Variants in CTNNA3 observed in about 807,000 individuals in gnomAD.
The protein encoded by CTNNA3 is catenin alpha-3.
A neutral mutation model predicts 95.7 loss-of-function variants in CTNNA3; 76 were observed. The observed-to-expected ratio is 0.79, with a 90% CI of 0.66 to 0.96. The LOEUF (loss-of-function observed/expected upper bound fraction) is 0.96, where lower values mean the gene tolerates loss of function less well. Among genes scored for constraint, CTNNA3 ranks in the 40% least tolerant of loss-of-function variants. CTNNA3 has a pLI of 0.00. For missense variants in CTNNA3, 1,191 were observed against 1,089.8 expected, an observed-to-expected ratio of 1.09 and a Z score of -1.31; for synonymous variants, 431 against 374.4, an observed-to-expected ratio of 1.15 and a Z score of -1.74.
At chr10:67,410,434 C>T (rs1025241765) in intron 5 of CTNNA3, among the ~76,000 whole-genome samples, 6 of 152,192 alleles carry the variant, frequency 3.9e-5, no homozygotes, top group Middle Eastern at 3.4e-3. Flanking sequence ...GTGGAATGAT[C>T]TGTGGAGCAA....
At chr10:67,388,321 T>C (rs1251507331) in intron 5 of CTNNA3, among the ~76,000 whole-genome samples, 1 of 138,574 alleles carries the variant, frequency 7.2e-6, no homozygotes, top group East Asian at 2.0e-4. Context: ...CAATGGAAGA[T>C]GAAATGAATG....
At chr10:66,906,806 T>C (rs768094032) in intron 7 of CTNNA3, among the ~76,000 whole-genome samples, 1 of 152,152 alleles carries the variant, frequency 6.6e-6, no homozygotes, top group East Asian at 1.9e-4. Flanking sequence ...ATGAATTATA[T>C]GATGTTTGAG....
Position 65,917,351 on chromosome 10 carries a change from TTTTAA to T in CTNNA3, c.*2974_*2978del, listed in dbSNP as rs2077019773. The T allele has an allele frequency of 6.6e-6, 1 of 152,200 alleles. No homozygotes were observed. Among genetic ancestry groups the T allele is most frequent in the African/African-American group, 2.4e-5 (1 of 41,454 alleles). The allele number at this position is 152,200 out of a possible 1,614,324, so 9.4% of individuals were successfully genotyped here. A position where few individuals can be genotyped will look rare whatever the true frequency, so the allele number is the denominator to read the frequency against. On this transcript the variant is annotated 3_prime_UTR_variant, in exon 18 of 18. Transcript: ENST00000433211. ...ACTTAGAAACATTTTACTTCAATAA[TTTTAA>T]TTTGTCATAAATTAAAGGGAATGAT...
chr10:66,860,076 T>G, intron 7 of CTNNA3, among the ~76,000 whole-genome samples: 7 of 138,372 alleles, frequency 5.1e-5, no homozygotes, highest in South Asian at 2.4e-4. Flanking sequence ...AAATGATGAG[T>G]TAATGGGTGC....
At chr10:67,181,350 T>A (rs1172821152) in intron 6 of CTNNA3, among the ~76,000 whole-genome samples, 1 of 152,184 alleles carries the variant, frequency 6.6e-6, no homozygotes, top group Non-Finnish European at 1.5e-5. Flanking sequence ...CTACAGCCTC[T>A]TAAGAAAAGA....
chr10:66,633,310 T>C (rs1017333422), intron 9 of CTNNA3, among the ~76,000 whole-genome samples: 3 of 152,202 alleles, frequency 2.0e-5, no homozygotes, highest in Non-Finnish European at 2.9e-5. Flanking sequence ...TAAAATGTTA[T>C]GCTGCTGTAA....
chr10:67,231,211 C>G (rs1286538117), intron 5 of CTNNA3, among the ~76,000 whole-genome samples: 5 of 152,248 alleles, frequency 3.3e-5, no homozygotes, highest in Non-Finnish European at 7.3e-5. Context: ...TAGGCTCCAC[C>G]TCTGGGGGCA....
At chr10:67,056,774 T>G (rs1855456617) in intron 7 of CTNNA3, among the ~76,000 whole-genome samples, 1 of 152,202 alleles carries the variant, frequency 6.6e-6, no homozygotes, top group Admixed American at 6.5e-5. Flanking sequence ...ACAACTATGA[T>G]ATGAATAAAT....
At chr10:66,373,109 T>C (rs2092766219) in intron 12 of CTNNA3, among the ~76,000 whole-genome samples, 1 of 152,160 alleles carries the variant, frequency 6.6e-6, no homozygotes, top group East Asian at 1.9e-4. Context: ...AATAAGGCTA[T>C]ACCAACAGTG....
chr10:66,565,999 A>C (rs952512992), intron 10 of CTNNA3, among the ~76,000 whole-genome samples: 1 of 152,210 alleles, frequency 6.6e-6, no homozygotes, highest in Admixed American at 6.5e-5. Flanking sequence ...CAGGACGAGT[A>C]GGTTGAAACC....
rs201302254 is a variant in CTNNA3, at chr10:66,331,342, G to GCTT, written c.1732+47809_1732+47810insAAG. ...ATATGGACTCCTTTCCCCATTGTTT[G>GCTT]TTTTTTTTTTTTTTTTTTTTTTTTT... On this transcript the variant is annotated intron_variant, in intron 12 of 17. Coordinates refer to ENST00000433211, the MANE Select transcript of CTNNA3 (RefSeq NM_013266.4). Among the ~76,000 whole-genome samples, 522 of 80,320 alleles carry GCTT rather than the reference G, an allele frequency of 6.5e-3. 78 individuals carry two copies. Among genetic ancestry groups the GCTT allele is most frequent in the African/African-American group, 0.021 (452 of 21,174 alleles). The allele number at this position is 80,320 out of a possible 152,430, so 52.7% of individuals were successfully genotyped here. A position where few individuals can be genotyped will look rare whatever the true frequency, so the allele number is the denominator to read the frequency against.
At chr10:67,580,901 T>C (rs1242041628) in intron 3 of CTNNA3, among the ~76,000 whole-genome samples, 43 of 152,202 alleles carry the variant, frequency 2.8e-4, no homozygotes, top group African/African-American at 6.7e-4. Flanking sequence ...TTTTTGCACA[T>C]TGATTTTGTA....
intron 12 of CTNNA3, among the ~76,000 whole-genome samples, chr10:66,306,796 G>A (rs945195155): frequency 6.6e-6 from 1 of 152,110 alleles, no homozygotes; most frequent in African/African-American, 2.4e-5. Context: ...ACTGGTTTTC[G>A]TATGTCTGAA....
At chr10:67,049,272 G>T (rs1352795741) in intron 7 of CTNNA3, among the ~76,000 whole-genome samples, 1 of 151,970 alleles carries the variant, frequency 6.6e-6, no homozygotes, top group East Asian at 1.9e-4. Context: ...AAGGTAAGAG[G>T]TCTATTATTA....
chr10:66,285,413 T>G (rs945503376), intron 12 of CTNNA3, among the ~76,000 whole-genome samples: 1 of 151,876 alleles, frequency 6.6e-6, no homozygotes, highest in Admixed American at 6.6e-5. Flanking sequence ...AAAATCTTCA[T>G]ATGTCTACAT....
intron 11 of CTNNA3, among the ~76,000 whole-genome samples, chr10:66,465,516 G>A (rs1412710061): frequency 3.3e-5 from 5 of 152,142 alleles, no homozygotes; most frequent in African/African-American, 4.8e-5. Context: ...CTGCACTGAA[G>A]CGTGTTTTTC....
chr10:67,658,089 C>G (rs1840077353), intron 1 of CTNNA3, among the ~76,000 whole-genome samples: 1 of 152,138 alleles, frequency 6.6e-6, no homozygotes, highest in South Asian at 2.1e-4. Context: ...ATTCTCTTAC[C>G]TCTCACCACT....
At chr10:66,471,151 A>G (rs1402931824) in intron 11 of CTNNA3, among the ~76,000 whole-genome samples, 2 of 151,870 alleles carry the variant, frequency 1.3e-5, no homozygotes, top group African/African-American at 4.8e-5. Flanking sequence ...ACTGTCATTG[A>G]AAAAAGTAGC....
chr10:67,347,469 G>A (rs146040348), intron 5 of CTNNA3, among the ~76,000 whole-genome samples: 8 of 152,174 alleles, frequency 5.3e-5, no homozygotes, highest in Non-Finnish European at 7.4e-5. Context: ...AAAAAAATTC[G>A]TTCAATCATT....
Sources: gnomAD v4.1 joint callset for allele counts (sites outside exome capture counted in the v4.1 genomes callset) on GRCh38, gnomAD v4.1.1 for gene constraint, MANE v1.5 for transcripts, NCBI Gene and HGNC (gene_info 2026-07-23, HGNC 2026-07-21) for gene names.